NACC2: variants seen among roughly 807,000 people sequenced by gnomAD.
NACC2 encodes the protein NACC family member 2.
Under a neutral mutation model 25.1 loss-of-function variants are expected in NACC2, and 8 were observed. The observed-to-expected ratio is 0.32, with a 90% CI of 0.19 to 0.57. The LOEUF (loss-of-function observed/expected upper bound fraction) is 0.57, where lower values mean the gene tolerates loss of function less well. Ranked by LOEUF, NACC2 falls within the 20% of genes least tolerant of loss-of-function variation. The probability of loss-of-function intolerance (pLI) is 0.89; values close to 1 mark genes in which losing one functional copy is unlikely to be tolerated. For synonymous variants in NACC2, 435 were observed against 294.7 expected (o/e 1.48, Z -4.88); for missense variants, 644 against 650.2 (o/e 0.99, Z 0.10).
At chr9:136,016,733 G>C (rs867523237) in intron 2 of NACC2, among the ~76,000 whole-genome samples, 8 of 152,356 alleles carry the variant, frequency 5.3e-5, no homozygotes, top group African/African-American at 1.4e-4. Flanking sequence ...ATGAGCTGCT[G>C]AGGGCTGACT....
chr9:136,058,459 C>T lies in NACC2; in HGVS notation c.-59-7879G>A, dbSNP rs80154253. ...CTCCGGAGGCTCCCCAGGGCCCTGG[C>T]CATCCATATTTTACCCTCTGGACAT... On this transcript the variant is annotated intron_variant, in intron 1 of 5. Coordinates refer to ENST00000277554, the MANE Select transcript of NACC2 (RefSeq NM_144653.5). 7.0e-3 allele frequency among the ~76,000 whole-genome samples: 1,070 copies of T among 152,358 alleles called. 6 individuals carry two copies. Among genetic ancestry groups the T allele is most frequent in the Non-Finnish European group, 0.012 (794 of 68,038 alleles).
chr9:136,084,836 G>A lies in NACC2; in HGVS notation c.-60+10353C>T, dbSNP rs777704575. ...TGCGGAGCAAATGAGCCAGTCACACGAGGACACCCCCTGTGGGACTCCACT... is the reference window on the plus strand; with the variant it reads ...TGCGGAGCAAATGAGCCAGTCACACAAGGACACCCCCTGTGGGACTCCACT... On this transcript the variant is annotated intron_variant, in intron 1 of 5. Coordinates refer to ENST00000277554, the MANE Select transcript of NACC2 (RefSeq NM_144653.5). The surrounding 1 kb of genome is among the most constrained non-coding windows in gnomAD (Gnocchi z 5.1). Among the ~76,000 whole-genome samples the A allele has an allele frequency of 3.9e-5, 6 of 152,222 alleles. No individual in the cohort carries two copies. The East Asian group carries it at 5.8e-4, about 15-fold the overall frequency.
At chr9:136,038,734 G>A (rs914742250) in intron 2 of NACC2, among the ~76,000 whole-genome samples, 10 of 152,194 alleles carry the variant, frequency 6.6e-5, no homozygotes, top group African/African-American at 1.9e-4. Context: ...GGAGGAACAT[G>A]AGAATATACC....
rs1840902840 is a variant in NACC2 at position 136,055,021 on chromosome 9, C to T, written c.-59-4441G>A. On this transcript the variant is annotated intron_variant, in intron 1 of 5. Transcript: ENST00000277554. The surrounding 1 kb of genome is among the most constrained non-coding windows in gnomAD (Gnocchi z 4.9). The stretch of plus-strand genomic sequence containing the variant: ...GCTGGGTTCCTCTGAGCCCACAAGC[C>T]ACCCTCAGGAATAAGAAAATACAGG... Among the ~76,000 whole-genome samples, 1 of 152,124 alleles carries T rather than the reference C, an allele frequency of 6.6e-6. No individual in the cohort carries two copies. Among genetic ancestry groups the T allele is most frequent in the South Asian group, 2.1e-4 (1 of 4,830 alleles).
intron 2 of NACC2, among the ~76,000 whole-genome samples, chr9:136,024,229 G>A (rs1840344400): frequency 2.6e-5 from 1 of 38,786 alleles, no homozygotes; most frequent in Admixed American, 2.8e-4. Context: ...TGAGGACAGA[G>A]GGTGTGTGTG....
intron 1 of NACC2, among the ~76,000 whole-genome samples, chr9:136,057,822 C>G (rs562444984): frequency 6.6e-6 from 1 of 152,168 alleles, no homozygotes; most frequent in African/African-American, 2.4e-5. Flanking sequence ...CCACTGGGGC[C>G]GGGGGTTGTG....
chr9:136,020,683 T>A lies in NACC2; in HGVS notation c.887-4254A>T, dbSNP rs1268666263. Among the ~76,000 whole-genome samples, 2 of 152,110 alleles carry A rather than the reference T, an allele frequency of 1.3e-5. No homozygotes were observed. The highest frequency in any genetic ancestry group is 2.9e-5 in the Non-Finnish European group (2 of 68,030). On this transcript the variant is annotated intron_variant, in intron 2 of 5. Transcript: ENST00000277554. This position sits in a 1 kb window ranked among gnomAD's most constrained non-coding sequence, Gnocchi z 4.7. ...TGCAAATGGACAGAACAGTGCTGAA[T>A]CAACTGATTTTAAGACTTCCTGTAC...
intron 1 of NACC2, among the ~76,000 whole-genome samples, chr9:136,082,493 C>T (rs560255589): frequency 4.2e-4 from 64 of 152,278 alleles, no homozygotes; most frequent in African/African-American, 1.2e-3. Flanking sequence ...GTGTGCAGGG[C>T]GGAGCTGACA....
chr9:136,046,263 G>C (rs1162982567), intron 2 of NACC2, among the ~76,000 whole-genome samples: 1 of 152,220 alleles, frequency 6.6e-6, no homozygotes. Flanking sequence ...CCCTGACAAC[G>C]CCAGGCAGGG....
intron 5 of NACC2, among the ~76,000 whole-genome samples, chr9:136,012,677 T>C (rs1447799139): frequency 6.6e-6 from 1 of 152,020 alleles, no homozygotes; most frequent in Non-Finnish European, 1.5e-5. Context: ...TTTTTTTCTT[T>C]TTTTTAGGAA....
chr9:136,014,994 C>CT (rs11375504), intron 3 of NACC2, among the ~76,000 whole-genome samples: 146,283 of 152,206 alleles, frequency 0.96, 70,327 homozygotes, highest in East Asian at 0.99. Context: ...CTGAAGGACA[C>CT]GATGTCCAGG....
chr9:136,050,270 G>C lies in NACC2; in HGVS notation c.252C>G (p.Phe84Leu). The C allele has an allele frequency of 1.3e-6, 1 of 765,366 alleles. No individual in the cohort carries two copies. The allele number at this position is 765,366 out of a possible 1,614,324, so 47.4% of individuals were successfully genotyped here. ...PPACFQQILS[F>L]CYTGRLTMTA... The stretch of plus-strand genomic sequence containing the variant: ...TCATGGTGAGCCTGCCCGTGTAGCA[G>C]AAGGACAGGATCTGCTGGAAGCAGG... The change falls in exon 2 of 6, where the codon TTC (phenylalanine) becomes TTG (leucine). Residue 84 changes from phenylalanine to leucine, a missense_variant. Transcript: ENST00000277554.
chr9:136,085,425 G>A (rs531211903), intron 1 of NACC2, among the ~76,000 whole-genome samples: 8 of 151,764 alleles, frequency 5.3e-5, no homozygotes, highest in Admixed American at 3.3e-4. Context: ...AGGCTGAGGC[G>A]GGGAGATCAC....
Position 136,031,682 on chromosome 9 carries a change from G to A in NACC2, c.887-15253C>T, listed in dbSNP as rs187352468. Among the ~76,000 whole-genome samples, 4 of 152,264 alleles carry A rather than the reference G, an allele frequency of 2.6e-5. No individual in the cohort carries two copies. In the South Asian group the frequency reaches 6.2e-4, roughly 24 times the overall value. ...AAAGAAAAAAGAACAAGAAAACACAGAACTTTTCCTTAAAGCAAAATTAGA... is the reference window on the plus strand; with the variant it reads ...AAAGAAAAAAGAACAAGAAAACACAAAACTTTTCCTTAAAGCAAAATTAGA... On this transcript the variant is annotated intron_variant, in intron 2 of 5. Transcript: ENST00000277554.
At position 136,013,021 on chromosome 9, in the gene NACC2, C is replaced by A. The variant is rs1339482212; in HGVS notation, c.1255+178G>T. Among the ~76,000 whole-genome samples, 1 of 152,248 alleles carries A rather than the reference C, an allele frequency of 6.6e-6. No homozygotes were observed. The highest frequency in any genetic ancestry group is 2.4e-5 in the African/African-American group (1 of 41,466). ...ACCAAGAACGTTAACACCTCGAGAC[C>A]TGGCTTCTGAGAGCTGCTCTTTTCT... On this transcript the variant is annotated intron_variant, in intron 5 of 5. Coordinates refer to ENST00000277554, the MANE Select transcript of NACC2 (RefSeq NM_144653.5). The surrounding 1 kb of genome is among the most constrained non-coding windows in gnomAD (Gnocchi z 6.6).
intron 2 of NACC2, among the ~76,000 whole-genome samples, chr9:136,035,248 C>T (rs1270363959): frequency 6.6e-6 from 1 of 151,974 alleles, no homozygotes; most frequent in African/African-American, 2.4e-5. Flanking sequence ...AGAACAGTGA[C>T]CACCTGGCAG....
rs1264925337 is a variant in NACC2, at chr9:136,055,184, G to T, written c.-59-4604C>A. 4.6e-5 allele frequency among the ~76,000 whole-genome samples: 7 copies of T among 152,308 alleles called. No homozygotes were observed. Among genetic ancestry groups the T allele is most frequent in the South Asian group, 2.1e-4 (1 of 4,834 alleles). On this transcript the variant is annotated intron_variant, in intron 1 of 5. Coordinates refer to ENST00000277554, the MANE Select transcript of NACC2 (RefSeq NM_144653.5). The surrounding 1 kb of genome is among the most constrained non-coding windows in gnomAD (Gnocchi z 4.9). ...CATACCCAGCAACCTGCCGATGGGT[G>T]AGAGGAGCCCGCGGGGAGGACAGGG...
chr9:136,015,862 C>T (rs1340626382), intron 3 of NACC2, among the ~76,000 whole-genome samples: 2 of 152,230 alleles, frequency 1.3e-5, no homozygotes, highest in African/African-American at 4.8e-5. Flanking sequence ...GGCTTCTGGA[C>T]TCGGACGTGT....
intron 2 of NACC2, among the ~76,000 whole-genome samples, chr9:136,031,320 C>G (rs954683388): frequency 9.3e-6 from 1 of 107,888 alleles, no homozygotes; most frequent in African/African-American, 3.5e-5. Flanking sequence ...CTTTACTCCA[C>G]AGCCTCATTC....
Sources: gnomAD v4.1 joint callset for allele counts (sites outside exome capture counted in the v4.1 genomes callset) on GRCh38, gnomAD v4.1.1 for gene constraint, Gnocchi (gnomAD v3.1) non-coding constraint, MANE v1.5 for transcripts, NCBI Gene and HGNC (gene_info 2026-07-23, HGNC 2026-07-21) for gene names.